The following TSHZ2 variants were observed in gnomAD, a reference collection of about 807,000 sequenced individuals.
The protein encoded by TSHZ2 is teashirt homolog 2.
In TSHZ2, 21 loss-of-function variants were observed where a neutral mutation model predicts 74.4. That is an observed-to-expected ratio of 0.28 (90% CI 0.20 to 0.41). TSHZ2 has a LOEUF of 0.41. Among genes scored for constraint, TSHZ2 ranks in the 10% least tolerant of loss-of-function variants. The pLI, the probability that TSHZ2 is intolerant of heterozygous loss-of-function variation, is 1.00. For missense variants in TSHZ2, 1,244 were observed against 1,293.5 expected (o/e 0.96, Z 0.59); for synonymous variants, 540 against 515.3 (o/e 1.05, Z -0.65).
chr20:53,107,526 G>A (rs756704535), intron 1 of TSHZ2, among the ~76,000 whole-genome samples: 1 of 152,200 alleles, frequency 6.6e-6, no homozygotes, highest in Non-Finnish European at 1.5e-5. Context: ...CAGTTTTCTT[G>A]TAGCATATTT....
intron 2 of TSHZ2, among the ~76,000 whole-genome samples, chr20:53,335,656 G>T (rs549781581): frequency 1.2e-4 from 18 of 152,356 alleles, no homozygotes; most frequent in African/African-American, 4.1e-4. Flanking sequence ...CTGTACTGAG[G>T]CTTTGGGGAA....
In TSHZ2 at chr20:53,136,806, TCTA is replaced by T. The variant is rs1453102140; in HGVS notation, c.41-116690_41-116688del. On this transcript the variant is annotated intron_variant, in intron 1 of 2. Coordinates refer to ENST00000371497, the MANE Select transcript of TSHZ2 (RefSeq NM_173485.6). ...TACACCATTACAGGAAAAAAAAAAATCTACTGAGGAAGAAGGGGAAAAGAGATG... is the reference window on the plus strand; with the variant it reads ...TACACCATTACAGGAAAAAAAAAAATCTGAGGAAGAAGGGGAAAAGAGATG... Among the ~76,000 whole-genome samples the T allele has an allele frequency of 5.3e-5, 8 of 151,858 alleles. No homozygotes were observed. In the South Asian group the frequency reaches 1.5e-3, roughly 28 times the overall value.
At chr20:53,047,379 G>C (rs577958348) in intron 1 of TSHZ2, among the ~76,000 whole-genome samples, 3 of 152,104 alleles carry the variant, frequency 2.0e-5, no homozygotes, top group African/African-American at 4.8e-5. Context: ...GTAACACAAG[G>C]CTTCCTTCTG....
At chr20:53,063,091 T>C (rs779635792) in intron 1 of TSHZ2, among the ~76,000 whole-genome samples, 1 of 152,048 alleles carries the variant, frequency 6.6e-6, no homozygotes, top group Non-Finnish European at 1.5e-5. Flanking sequence ...ATAATAGATA[T>C]AACAATAATG....
chr20:53,044,232 G>A (rs1457260166), intron 1 of TSHZ2, among the ~76,000 whole-genome samples: 5 of 152,328 alleles, frequency 3.3e-5, no homozygotes, highest in East Asian at 3.9e-4. Context: ...TCCTCTGAAC[G>A]TCATATCAGC....
chr20:53,097,646 A>T (rs1169122272), intron 1 of TSHZ2: 1 of 152,412 alleles, frequency 6.6e-6, no homozygotes, highest in East Asian at 1.9e-4. Context: ...AGATTTAATG[A>T]AAACCAGATG....
intron 1 of TSHZ2, among the ~76,000 whole-genome samples, chr20:52,991,961 T>C (rs1408706757): frequency 2.0e-5 from 3 of 152,228 alleles, no homozygotes; most frequent in Non-Finnish European, 4.4e-5. Flanking sequence ...CAGTGTATTT[T>C]CCTGGGGGTT....
intron 1 of TSHZ2, among the ~76,000 whole-genome samples, chr20:53,068,565 G>A (rs1205375711): frequency 2.0e-5 from 3 of 151,962 alleles, no homozygotes; most frequent in Non-Finnish European, 2.9e-5. Flanking sequence ...GCTCTTCCAT[G>A]GCACTGACCA....
intron 1 of TSHZ2, among the ~76,000 whole-genome samples, chr20:53,022,930 G>A (rs775050718): frequency 7.9e-5 from 12 of 152,090 alleles, no homozygotes; most frequent in Non-Finnish European, 1.8e-4. Context: ...TTACCATGGC[G>A]ATGCATTGTG....
chr20:53,408,488 G>A (rs921861428), intron 2 of TSHZ2, among the ~76,000 whole-genome samples: 1 of 152,188 alleles, frequency 6.6e-6, no homozygotes, highest in Non-Finnish European at 1.5e-5. Context: ...CAAGAAGGAG[G>A]AAGACAGGGA....
chr20:53,358,329 C>CTTT (rs57906027), intron 2 of TSHZ2, among the ~76,000 whole-genome samples: 2 of 67,046 alleles, frequency 3.0e-5, no homozygotes, highest in African/African-American at 6.5e-5. Flanking sequence ...TTCTGTGGTT[C>CTTT]TTTTTTTTTT....
chr20:53,138,363 G>A (rs538118543), intron 1 of TSHZ2, among the ~76,000 whole-genome samples: 16 of 148,626 alleles, frequency 1.1e-4, no homozygotes, highest in African/African-American at 3.2e-4. Flanking sequence ...CAGCCTGGAC[G>A]ACAGAGCAAG....
chr20:53,298,469 T>C (rs571180736), intron 2 of TSHZ2, among the ~76,000 whole-genome samples: 116 of 152,238 alleles, frequency 7.6e-4, no homozygotes, highest in South Asian at 2.3e-3. Flanking sequence ...ACATGAATAA[T>C]GAGAAAGAAC....
intron 2 of TSHZ2, among the ~76,000 whole-genome samples, chr20:53,354,932 G>A (rs908488511): frequency 6.6e-6 from 1 of 152,158 alleles, no homozygotes; most frequent in Admixed American, 6.5e-5. Context: ...AACAGATGTT[G>A]CCTTATAATG....
intron 2 of TSHZ2, among the ~76,000 whole-genome samples, chr20:53,289,051 G>C (rs1326922891): frequency 6.6e-6 from 1 of 152,036 alleles, no homozygotes; most frequent in Non-Finnish European, 1.5e-5. Flanking sequence ...CCACTTAAAA[G>C]TGAAAACATA....
At chr20:53,093,634 G>GTTA (rs1343503007) in intron 1 of TSHZ2, among the ~76,000 whole-genome samples, 2 of 152,090 alleles carry the variant, frequency 1.3e-5, no homozygotes, top group Non-Finnish European at 2.9e-5. Context: ...TTATGTGTTT[G>GTTA]CTTAGATGTT....
chr20:53,067,094 A>G (rs973563471), intron 1 of TSHZ2, among the ~76,000 whole-genome samples: 1 of 152,238 alleles, frequency 6.6e-6, no homozygotes, highest in Non-Finnish European at 1.5e-5. Context: ...ATGTGGTTGG[A>G]TGAGAACCAG....
chr20:53,181,602 CTG>C (rs1170577412), intron 1 of TSHZ2, among the ~76,000 whole-genome samples: 2 of 151,978 alleles, frequency 1.3e-5, no homozygotes, highest in Non-Finnish European at 2.9e-5. Context: ...AAATTAACAA[CTG>C]TGGGCCGGAC....
intron 1 of TSHZ2, among the ~76,000 whole-genome samples, chr20:53,068,281 A>G (rs1985059267): frequency 6.6e-6 from 1 of 152,116 alleles, no homozygotes; most frequent in African/African-American, 2.4e-5. Flanking sequence ...ACACTTTACC[A>G]TCACCCACAC....
Sources: allele counts gnomAD v4.1 joint callset (sites outside exome capture counted in the v4.1 genomes callset), GRCh38; gene constraint gnomAD v4.1.1; transcripts MANE v1.5; gene names NCBI Gene and HGNC (gene_info 2026-07-23, HGNC 2026-07-21).